Variants in CNTN4 observed in about 807,000 individuals in gnomAD.
CNTN4 encodes contactin 4, also known as contactin-4.
A neutral mutation model predicts 122.5 loss-of-function variants in CNTN4; 77 were observed. The ratio of observed to expected loss-of-function variants is 0.63; its 90% CI spans 0.52 to 0.76. CNTN4 has a LOEUF of 0.76. Among genes scored for constraint, CNTN4 ranks in the 30% least tolerant of loss-of-function variants. The probability of loss-of-function intolerance (pLI) is 0.00; values close to 1 mark genes in which losing one functional copy is unlikely to be tolerated. For missense variants in CNTN4, 1,256 were observed against 1,259.1 expected, an observed-to-expected ratio of 1.00 and a Z score of 0.04; for synonymous variants, 512 against 447.0, an observed-to-expected ratio of 1.15 and a Z score of -1.83.
In CNTN4 at chr3:2,841,985, G is replaced by T. The variant is rs2093369871; in HGVS notation, c.454+22404G>T. 6.6e-6 allele frequency among the ~76,000 whole-genome samples: 1 copy of T among 151,904 alleles called. No individual in the cohort carries two copies. The highest frequency in any genetic ancestry group is 6.6e-5 in the Admixed American group (1 of 15,260). ...AACCAGAAATAAATAAATAAATGAAGCTAGCTGCCCCCATTTTTTTCAAGA... is the reference window on the plus strand; with the variant it reads ...AACCAGAAATAAATAAATAAATGAATCTAGCTGCCCCCATTTTTTTCAAGA... On this transcript the variant is annotated intron_variant, in intron 7 of 24. Transcript: ENST00000418658. The surrounding 1 kb of genome is among the most constrained non-coding windows in gnomAD (Gnocchi z 4.8).
At chr3:2,223,701 A>T (rs1322045984) in intron 2 of CNTN4, among the ~76,000 whole-genome samples, 3 of 152,188 alleles carry the variant, frequency 2.0e-5, no homozygotes. Context: ...CACCATGCCT[A>T]GACTGTACAA....
At chr3:2,343,849 G>T (rs2044297943) in intron 3 of CNTN4, among the ~76,000 whole-genome samples, 1 of 152,128 alleles carries the variant, frequency 6.6e-6, no homozygotes, top group African/African-American at 2.4e-5. Context: ...TTGGCTCATG[G>T]TTCTTCCAGC....
intron 3 of CNTN4, among the ~76,000 whole-genome samples, chr3:2,444,584 G>T (rs961276370): frequency 6.6e-6 from 1 of 152,302 alleles, no homozygotes; most frequent in East Asian, 1.9e-4. Flanking sequence ...ATAGAGCCTT[G>T]TTGGGTGACA....
At chr3:2,526,177 A>G (rs187169633) in intron 3 of CNTN4, among the ~76,000 whole-genome samples, 1 of 152,094 alleles carries the variant, frequency 6.6e-6, no homozygotes, top group East Asian at 1.9e-4. Context: ...CAGGCCCTTC[A>G]TGCGCCCCAC....
chr3:2,194,175 T>C (rs1406318908), intron 2 of CNTN4, among the ~76,000 whole-genome samples: 1 of 152,000 alleles, frequency 6.6e-6, no homozygotes, highest in Non-Finnish European at 1.5e-5. Flanking sequence ...TTATAGAAAG[T>C]GAATGGGGCC....
At chr3:2,788,724 A>G (rs1044005534) in intron 6 of CNTN4, among the ~76,000 whole-genome samples, 1 of 152,228 alleles carries the variant, frequency 6.6e-6, no homozygotes, top group African/African-American at 2.4e-5. Flanking sequence ...CCTTAAATGG[A>G]AACACCATTA....
At chr3:2,396,271 C>T (rs2150929080) in intron 3 of CNTN4, among the ~76,000 whole-genome samples, 1 of 152,232 alleles carries the variant, frequency 6.6e-6, no homozygotes, top group Middle Eastern at 3.4e-3. Flanking sequence ...GCCATCTGCC[C>T]TCCTTGGCCT....
At chr3:2,787,698 G>T (rs1022815042) in intron 6 of CNTN4, among the ~76,000 whole-genome samples, 4 of 152,056 alleles carry the variant, frequency 2.6e-5, no homozygotes, top group African/African-American at 9.7e-5. Flanking sequence ...TGTAAAACAG[G>T]GATGCAATAG....
chr3:2,270,241 G>A (rs185571654), intron 2 of CNTN4, among the ~76,000 whole-genome samples: 451 of 36,896 alleles, frequency 0.012, 111 homozygotes, highest in African/African-American at 0.026. Flanking sequence ...GAGCCACCGC[G>A]CCCGGCCTAT....
At chr3:2,373,393 G>A (rs2150683867) in intron 3 of CNTN4, among the ~76,000 whole-genome samples, 1 of 152,318 alleles carries the variant, frequency 6.6e-6, no homozygotes, top group Non-Finnish European at 1.5e-5. Flanking sequence ...TCCCAGGAAT[G>A]CCGTGAATCG....
intron 3 of CNTN4, among the ~76,000 whole-genome samples, chr3:2,567,376 G>A (rs1871441): frequency 0.45 from 56,669 of 126,144 alleles, 11,920 homozygotes; most frequent in East Asian, 0.69. Flanking sequence ...ATGAGCCACC[G>A]TGCCTGGCCT....
chr3:2,327,153 T>TGTGTTTGTGTGTGTGTGTGTGTTTG (rs1559455687), intron 2 of CNTN4, among the ~76,000 whole-genome samples: 1 of 114,118 alleles, frequency 8.8e-6, no homozygotes, highest in Admixed American at 8.4e-5. Flanking sequence ...GTGTGTGTGT[T>TGTGTTTGTGTGTGTGTGTGTGTTTG]TGTGTGTGTG....
rs181120143 is a variant in CNTN4, at chr3:2,168,915, A to G, written c.-145+68276A>G. Among the ~76,000 whole-genome samples the G allele has an allele frequency of 2.7e-3, 406 of 152,314 alleles. 2 individuals are homozygous for G. The highest frequency in any genetic ancestry group is 4.8e-3 in the Non-Finnish European group (328 of 68,008). ...ATTGCCAAGATAAAGCAAATTAAAG[A>G]TTGTCTTAGATTTACCCTCAGTTCT... On this transcript the variant is annotated intron_variant, in intron 2 of 24. Transcript: ENST00000418658.
intron 3 of CNTN4, among the ~76,000 whole-genome samples, chr3:2,547,771 A>G (rs887881126): frequency 1.3e-5 from 2 of 152,138 alleles, no homozygotes; most frequent in Non-Finnish European, 1.5e-5. Flanking sequence ...GAACCATGAA[A>G]CAAAGTGAAT....
chr3:2,120,204 G>C (rs1383153270), intron 2 of CNTN4, among the ~76,000 whole-genome samples: 1 of 151,350 alleles, frequency 6.6e-6, no homozygotes, highest in Non-Finnish European at 1.5e-5. Context: ...GAATCATATA[G>C]GAGAAATAAC....
intron 3 of CNTN4, among the ~76,000 whole-genome samples, chr3:2,345,824 C>T (rs913919739): frequency 4.6e-5 from 7 of 152,124 alleles, no homozygotes; most frequent in Admixed American, 2.6e-4. Flanking sequence ...GAGTGGGCAC[C>T]GAGCTTCTAT....
At chr3:2,235,683 C>G (rs971677895) in intron 2 of CNTN4, among the ~76,000 whole-genome samples, 86 of 151,884 alleles carry the variant, frequency 5.7e-4, no homozygotes, top group African/African-American at 2.0e-3. Flanking sequence ...TAAAATGATC[C>G]CACTAGATTG....
At chr3:2,382,315 G>A (rs57781126) in intron 3 of CNTN4, among the ~76,000 whole-genome samples, 45,600 of 151,390 alleles carry the variant, frequency 0.3, 7,117 homozygotes, top group South Asian at 0.43. Flanking sequence ...GATTACAGGC[G>A]CGCTGTAATT....
At chr3:2,316,234 CAGAT>C (rs2043093413) in intron 2 of CNTN4, among the ~76,000 whole-genome samples, 2 of 152,028 alleles carry the variant, frequency 1.3e-5, no homozygotes, top group South Asian at 2.1e-4. Flanking sequence ...AGTACTCTAG[CAGAT>C]AGAGTCTTTT....
Sources: allele counts gnomAD v4.1 joint callset (sites outside exome capture counted in the v4.1 genomes callset), GRCh38; gene constraint gnomAD v4.1.1; non-coding constraint Gnocchi (gnomAD v3.1); transcripts MANE v1.5; gene names NCBI Gene and HGNC (gene_info 2026-07-23, HGNC 2026-07-21).